The following SRRM3 variants were observed in gnomAD, a reference collection of about 807,000 sequenced individuals.
SRRM3 encodes serine/arginine repetitive matrix protein 3.
Under a neutral mutation model 66.2 loss-of-function variants are expected in SRRM3, and 27 were observed. The observed-to-expected ratio is 0.41, with a 90% CI of 0.30 to 0.56. The LOEUF is 0.56. SRRM3 is among the 20% of genes least tolerant of loss of function. The probability of loss-of-function intolerance (pLI) is 0.32; values close to 1 mark genes in which losing one functional copy is unlikely to be tolerated. For synonymous variants in SRRM3, 391 were observed against 414.9 expected, an observed-to-expected ratio of 0.94 and a Z score of 0.70; for missense variants, 918 against 991.9, an observed-to-expected ratio of 0.93 and a Z score of 1.00.
intron 3 of SRRM3, 105 bp from the exon 4 acceptor site, chr7:76,259,801 T>C: frequency 6.5e-7 from 1 of 1,547,074 alleles, no homozygotes; most frequent in Non-Finnish European, 8.7e-7. Flanking sequence ...CCCAGCCGGG[T>C]AGCAGCCCGC....
chr7:76,253,637 TAAAATA>T (rs1302717321), intron 3 of SRRM3, among the ~76,000 whole-genome samples: 32 of 147,904 alleles, frequency 2.2e-4, no homozygotes, highest in African/African-American at 3.0e-4. Context: ...ATTAAAAAAA[TAAAATA>T]AAAATAAAAA....
intron 5 of SRRM3, among the ~76,000 whole-genome samples, 172 bp downstream of exon 5, chr7:76,260,369 C>T (rs1554608471): frequency 6.8e-6 from 1 of 146,656 alleles, no homozygotes; most frequent in Non-Finnish European, 1.5e-5. Context: ...GTAACTGAAC[C>T]CACCCCAGGC....
rs1455679930 is a variant in SRRM3, at chr7:76,286,636, T to G, written c.*793T>G. On this transcript the variant is annotated 3_prime_UTR_variant, in exon 15 of 15. Transcript: ENST00000611745. ...GCCATGACTACTGCATGACAAGAGGTGGGGGGTACAGACCTCAGGTACATT... is the reference window on the plus strand; with the variant it reads ...GCCATGACTACTGCATGACAAGAGGGGGGGGGTACAGACCTCAGGTACATT... 1.3e-5 allele frequency: 2 copies of G among 151,734 alleles called. No individual in the cohort carries two copies. The highest frequency in any genetic ancestry group is 2.9e-5 in the Non-Finnish European group (2 of 67,978). The allele number at this position is 151,734 out of a possible 1,614,324, so 9.4% of individuals were successfully genotyped here.
At chr7:76,260,279 T>G (rs1801823351) in intron 5 of SRRM3, 82 bp downstream of exon 5, 5 of 1,089,082 alleles carry the variant, frequency 4.6e-6, no homozygotes, top group South Asian at 1.7e-5. Flanking sequence ...CTCACAACCA[T>G]GCAGCATTTG....
intron 2 of SRRM3, among the ~76,000 whole-genome samples, chr7:76,245,719 G>A (rs1221175090): frequency 3.3e-5 from 5 of 152,014 alleles, no homozygotes; most frequent in Non-Finnish European, 7.4e-5. Context: ...TTTTTGAGAC[G>A]GAGTCTCGCT....
intron 3 of SRRM3, among the ~76,000 whole-genome samples, chr7:76,258,753 A>G (rs1801782198): frequency 1.4e-5 from 2 of 143,282 alleles, no homozygotes; most frequent in South Asian, 4.5e-4. Flanking sequence ...AAAGAAAAAA[A>G]AAAAAGGAAG....
intron 1 of SRRM3, among the ~76,000 whole-genome samples, chr7:76,203,717 T>C (rs782803158): frequency 1.3e-5 from 2 of 152,198 alleles, no homozygotes; most frequent in Non-Finnish European, 2.9e-5. Flanking sequence ...CCCTATTTCA[T>C]AGCTGAGAAA....
Position 76,281,592 on chromosome 7 carries a change from G to A in SRRM3, c.1160G>A (p.Arg387Gln). ...GCGGCGGGCGGGGCGGGCAGGCGGC[G>A]GCGGCGGCGGCGTAGGCGGCGGCGC... ...GRAAGGAGRR[R>Q]RRRRRRRRSR... Residue 387 changes from arginine to glutamine, a missense_variant, in exon 12 of 15, where the codon CGG becomes CAG. By Grantham distance (43) the Arg-to-Gln change is conservative. Coordinates refer to ENST00000611745, the MANE Select transcript of SRRM3 (RefSeq NM_001110199.3). 20 of 979,440 alleles carry A rather than the reference G, an allele frequency of 2.0e-5. No homozygotes were observed. Among genetic ancestry groups the A allele is most frequent in the Non-Finnish European group, 2.2e-5 (18 of 826,968 alleles). The allele number at this position is 979,440 out of a possible 1,614,324, so 60.7% of individuals were successfully genotyped here.
intron 3 of SRRM3, among the ~76,000 whole-genome samples, chr7:76,258,713 CAAAAAAAAAAAA>C (rs201265747): frequency 0.021 from 1,464 of 68,288 alleles, 38 homozygotes; most frequent in African/African-American, 0.071. Flanking sequence ...GACTCCATCT[CAAAAAAAAAAAA>C]AAAAAAAAGA....
At chr7:76,263,536 C>G (rs1404611812) in intron 8 of SRRM3, among the ~76,000 whole-genome samples, 1 of 152,064 alleles carries the variant, frequency 6.6e-6, no homozygotes, top group Non-Finnish European at 1.5e-5. Context: ...GGGGGCAGCC[C>G]TGCAGATGGA....
chr7:76,213,854 C>T lies in SRRM3; in HGVS notation c.-40+11787C>T, dbSNP rs143804937. On this transcript the variant is annotated intron_variant, in intron 1 of 14. Coordinates refer to ENST00000611745, the MANE Select transcript of SRRM3 (RefSeq NM_001110199.3). ...GCACAATCATAGCTCACTGCAGCCT[C>T]GAACTCCCAGGCTTAAGCGATCCTC... is the stretch of plus-strand genomic sequence containing the variant. Among the ~76,000 whole-genome samples, 303 of 152,152 alleles carry T rather than the reference C, an allele frequency of 2.0e-3. 10 individuals carry two copies. The South Asian group carries it at 0.04, about 20-fold the overall frequency.
chr7:76,272,684 A>G (rs1554610647), intron 11 of SRRM3, among the ~76,000 whole-genome samples: 2 of 152,090 alleles, frequency 1.3e-5, no homozygotes, highest in Non-Finnish European at 1.5e-5. Flanking sequence ...AAAACCCTAC[A>G]GTGTCCGGGG....
rs1171657346 is a variant in SRRM3, at chr7:76,281,674, G to GC, written c.1249dup (p.Arg417ProfsTer32). The GC allele has an allele frequency of 2.1e-5, 21 of 991,600 alleles. No homozygotes were observed. The highest frequency in any genetic ancestry group is 1.9e-4 in the Admixed American group (3 of 16,190). The allele number at this position is 991,600 out of a possible 1,614,324, so 61.4% of individuals were successfully genotyped here. A position where few individuals can be genotyped will look rare whatever the true frequency, so the allele number is the denominator to read the frequency against. On this transcript the variant is annotated frameshift_variant, in exon 12 of 15. Transcript: ENST00000611745. LOFTEE classifies it high-confidence loss of function. ...GGGGTCGCCGGCGCCCCCGGCCCGC[G>GC]CCCCCCCGGGGCTCGTCGCGCTCGC...
intron 1 of SRRM3, among the ~76,000 whole-genome samples, chr7:76,229,971 T>C (rs1275798598): frequency 6.6e-6 from 1 of 152,068 alleles, no homozygotes; most frequent in Non-Finnish European, 1.5e-5. Flanking sequence ...CTCGAACTCC[T>C]GACCTCATGA....
At chr7:76,237,815 C>A (rs112821834) in intron 2 of SRRM3, among the ~76,000 whole-genome samples, 2 of 151,940 alleles carry the variant, frequency 1.3e-5, no homozygotes, top group African/African-American at 4.8e-5. Flanking sequence ...ACTTTCCCAT[C>A]CTGAAAGCCC....
rs530196384 is a variant in SRRM3 at position 76,224,166 on chromosome 7, C to T, written c.-39-10862C>T. ...CACGATCACAGCTCACTGCAAGCTC[C>T]GCTCCTGGGTTCAAGCGATTCCCCT... On this transcript the variant is annotated intron_variant, in intron 1 of 14. Transcript: ENST00000611745. Among the ~76,000 whole-genome samples, 12 of 137,248 alleles carry T rather than the reference C, an allele frequency of 8.7e-5. No individual in the cohort carries two copies. The South Asian group carries it at 2.6e-3, about 30-fold the overall frequency. 90.0% of individuals were successfully genotyped at this position (137,248 alleles called of 152,430 possible). A position where few individuals can be genotyped will look rare whatever the true frequency, so the allele number is the denominator to read the frequency against.
chr7:76,248,769 A>G (rs1389394192), intron 3 of SRRM3, among the ~76,000 whole-genome samples: 3 of 152,190 alleles, frequency 2.0e-5, no homozygotes, highest in Admixed American at 1.3e-4. Context: ...GCTTGAGGTC[A>G]GGAGTTCGAG....
intron 6 of SRRM3, 52 bp from the exon 7 acceptor site, chr7:76,261,300 G>GCCCCCCCCCCCCCCCCCCCCC: frequency 7.7e-6 from 4 of 519,212 alleles, no homozygotes; most frequent in Non-Finnish European, 1.3e-5. Context: ...GCCATTTCCA[G>GCCCCCCCCCCCCCCCCCCCCC]CCCCCCACCC....
intron 11 of SRRM3, among the ~76,000 whole-genome samples, chr7:76,276,408 G>A (rs1170498382): frequency 6.6e-6 from 1 of 152,162 alleles, no homozygotes; most frequent in Non-Finnish European, 1.5e-5. Flanking sequence ...TGCTCACCAC[G>A]GCAGCCCCCT....
Sources: allele counts gnomAD v4.1 joint callset (sites outside exome capture counted in the v4.1 genomes callset), GRCh38; gene constraint gnomAD v4.1.1; transcripts MANE v1.5; gene names NCBI Gene and HGNC (gene_info 2026-07-23, HGNC 2026-07-21).